Variants in SOX6 observed in about 807,000 individuals in gnomAD.
The protein encoded by SOX6 is transcription factor SOX-6.
SOX6 carries 11 observed loss-of-function variants against 97.8 expected under a neutral mutation model. That is an observed-to-expected ratio of 0.11 (90% CI 0.07 to 0.19). The LOEUF (loss-of-function observed/expected upper bound fraction) is 0.19. Ranked by LOEUF, SOX6 falls within the 10% of genes least tolerant of loss-of-function variation. The pLI, the probability that SOX6 is intolerant of heterozygous loss-of-function variation, is 1.00. For missense variants in SOX6, 810 were observed against 1,039.5 expected (o/e 0.78, Z 3.04); for synonymous variants, 360 against 371.4 (o/e 0.97, Z 0.35).
At chr11:16,706,098 C>A (rs1032291153) in intron 3 of SOX6, among the ~76,000 whole-genome samples, 3 of 151,808 alleles carry the variant, frequency 2.0e-5, no homozygotes, top group African/African-American at 7.3e-5. Context: ...ATGTTTAAAT[C>A]AGTAAGACTA....
At chr11:16,075,012 AAAAC>A (rs925166105) in intron 9 of SOX6, among the ~76,000 whole-genome samples, 10 of 152,330 alleles carry the variant, frequency 6.6e-5, no homozygotes, top group African/African-American at 2.4e-4. Context: ...GCTAGTAAAC[AAAAC>A]AAACAAACAA....
intron 12 of SOX6, among the ~76,000 whole-genome samples, chr11:16,024,580 T>C (rs1855163968): frequency 6.6e-6 from 1 of 151,774 alleles, no homozygotes; most frequent in Admixed American, 6.6e-5. Flanking sequence ...AACAAAGGTT[T>C]TCAAAAACAG....
intron 3 of SOX6, among the ~76,000 whole-genome samples, chr11:16,309,612 AT>A (rs1021117832): frequency 6.6e-6 from 1 of 152,168 alleles, no homozygotes; most frequent in African/African-American, 2.4e-5. Context: ...AGAAATTTTT[AT>A]TTAGTTGGAT....
chr11:16,553,403 G>C (rs1847711660), intron 4 of SOX6, among the ~76,000 whole-genome samples: 1 of 152,186 alleles, frequency 6.6e-6, no homozygotes, highest in Non-Finnish European at 1.5e-5. Context: ...AGGTTAATTA[G>C]AACTTTCTAG....
rs1590137883 is a variant in SOX6 at position 16,339,142 on chromosome 11, T to A, written c.237+1870A>T. ...TCTCACCTAGACTTCTGAAATAGAC[T>A]CCCAGTGGGTCCTCCTTCTTTCACT... On this transcript the variant is annotated intron_variant, in intron 2 of 15. Coordinates refer to ENST00000683767, the MANE Select transcript of SOX6 (RefSeq NM_001367873.1). Among the ~76,000 whole-genome samples the A allele has an allele frequency of 2.6e-5, 4 of 152,186 alleles. No individual in the cohort carries two copies. In the South Asian group the frequency reaches 8.3e-4, roughly 32 times the overall value.
chr11:16,149,234 GT>G (rs1850396085), intron 6 of SOX6, among the ~76,000 whole-genome samples: 1 of 152,056 alleles, frequency 6.6e-6, no homozygotes, highest in Non-Finnish European at 1.5e-5. Context: ...TTCAAGGGCA[GT>G]TATTTTATGT....
intron 4 of SOX6, among the ~76,000 whole-genome samples, chr11:16,570,733 C>G (rs1418779953): frequency 6.6e-6 from 1 of 152,152 alleles, no homozygotes; most frequent in African/African-American, 2.4e-5. Context: ...ATTCTTTAGT[C>G]TCTCAGTCCT....
chr11:16,548,057 C>A (rs1236736340), intron 4 of SOX6, among the ~76,000 whole-genome samples: 1 of 151,952 alleles, frequency 6.6e-6, no homozygotes, highest in Admixed American at 6.6e-5. Context: ...TATAAAGGAA[C>A]AAAAATGAGA....
intron 3 of SOX6, among the ~76,000 whole-genome samples, chr11:16,239,967 A>G (rs1222949944): frequency 6.6e-6 from 1 of 152,122 alleles, no homozygotes; most frequent in Admixed American, 6.6e-5. Context: ...CTTTAAAACA[A>G]TTAACCCTCC....
intron 6 of SOX6, among the ~76,000 whole-genome samples, chr11:16,121,392 T>A (rs940976455): frequency 4.6e-5 from 7 of 152,046 alleles, no homozygotes; most frequent in African/African-American, 1.7e-4. Context: ...CAGTGTTGCT[T>A]GTCTTAATTC....
At chr11:16,737,238 G>C (rs745886799) in intron 1 of SOX6, among the ~76,000 whole-genome samples, 1 of 152,074 alleles carries the variant, frequency 6.6e-6, no homozygotes, top group Non-Finnish European at 1.5e-5. Context: ...ACCGAGTCTC[G>C]TTCTGTCACC....
intron 9 of SOX6, among the ~76,000 whole-genome samples, chr11:16,091,938 C>A (rs1848699887): frequency 6.6e-6 from 1 of 151,968 alleles, no homozygotes; most frequent in Admixed American, 6.6e-5. Flanking sequence ...AGACAAAAAT[C>A]ATTCTCTGAA....
At chr11:16,533,412 A>C (rs964155317) in intron 4 of SOX6, among the ~76,000 whole-genome samples, 1 of 151,972 alleles carries the variant, frequency 6.6e-6, no homozygotes, top group Non-Finnish European at 1.5e-5. Flanking sequence ...AAATACTTGC[A>C]TCTTGAGATC....
intron 1 of SOX6, among the ~76,000 whole-genome samples, chr11:16,419,246 C>T (rs1415180710): frequency 2.6e-5 from 4 of 152,018 alleles, no homozygotes; most frequent in Non-Finnish European, 4.4e-5. Flanking sequence ...GGTGTGTGCT[C>T]ACTACACCAC....
chr11:16,479,800 C>A (rs534825521), upstream of SOX6, among the ~76,000 whole-genome samples: 21 of 152,132 alleles, frequency 1.4e-4, no homozygotes, highest in Non-Finnish European at 2.5e-4. Context: ...GGCACTTTTA[C>A]AATAAGTTTT....
At chr11:16,565,499 A>C (rs1216371306) in intron 4 of SOX6, among the ~76,000 whole-genome samples, 2 of 152,174 alleles carry the variant, frequency 1.3e-5, no homozygotes, top group East Asian at 1.9e-4. Flanking sequence ...ACAAAAAAAA[A>C]ACAAAGCTTC....
At chr11:16,074,978 C>T (rs1341449670) in intron 9 of SOX6, among the ~76,000 whole-genome samples, 1 of 152,104 alleles carries the variant, frequency 6.6e-6, no homozygotes, top group African/African-American at 2.4e-5. Context: ...TACTACAAGG[C>T]TACAGTAACC....
chr11:15,988,815 TTA>T (rs918403060), intron 14 of SOX6, among the ~76,000 whole-genome samples, 180 bp downstream of exon 14: 1 of 152,184 alleles, frequency 6.6e-6, no homozygotes, highest in East Asian at 1.9e-4. Flanking sequence ...ACATGCCACA[TTA>T]TGGGGTGGGG....
chr11:16,687,623 T>C (rs115342456), intron 3 of SOX6, among the ~76,000 whole-genome samples: 1,693 of 152,312 alleles, frequency 0.011, 24 homozygotes, highest in African/African-American at 0.039. Context: ...AGTCTTTATC[T>C]TACCTTGACT....
Sources: allele counts gnomAD v4.1 joint callset (sites outside exome capture counted in the v4.1 genomes callset), GRCh38; gene constraint gnomAD v4.1.1; transcripts MANE v1.5; gene names NCBI Gene and HGNC (gene_info 2026-07-23, HGNC 2026-07-21).